MUC17: variants seen among roughly 807,000 people sequenced by gnomAD.
The protein encoded by MUC17 is mucin-17.
MUC17 carries 190 observed loss-of-function variants against 170.3 expected under a neutral mutation model. That is an observed-to-expected ratio of 1.12 (90% CI 0.99 to 1.26). MUC17 has a LOEUF of 1.26. MUC17 is among the 50% of genes most tolerant of loss of function. The pLI is 0.00. For synonymous variants in MUC17, 2,325 were observed against 2,002.5 expected (o/e 1.16, Z -4.30); for missense variants, 6,415 against 5,530.0 (o/e 1.16, Z -5.08).
rs368840848 is a variant in MUC17, at chr7:101,032,170, C to G, written c.754C>G (p.Gln252Glu). 1.9e-6 allele frequency: 3 copies of G among 1,613,734 alleles called. No homozygotes were observed. The highest frequency in any genetic ancestry group is 4.5e-5 in the East Asian group (2 of 44,830). ...CAGCACACCTGTGACCATTTCTGCTCAAGCCAGTTCATCTCCTACAACTGC... is the reference window on the plus strand; with the variant it reads ...CAGCACACCTGTGACCATTTCTGCTGAAGCCAGTTCATCTCCTACAACTGC... ...EISTPVTISA[Q>E]ASSSPTTAEG... is the part of the protein sequence containing the mutation. The change falls in exon 3 of 13, where the codon CAA becomes GAA. Residue 252 changes from glutamine to glutamate, a missense_variant. Transcript: ENST00000306151.
chr7:101,038,362 G>A lies in MUC17; in HGVS notation c.6946G>A (p.Ala2316Thr), dbSNP rs757491932. Reference protein sequence around the residue: ...SNTPFTTSTEASSPPPTAEGT... With the variant: ...SNTPFTTSTETSSPPPTAEGT... Reference sequence around the variant, plus strand: ...CACTCCTTTCACTACTTCTACTGAAGCCAGTTCACCTCCTCCCACTGCTGA... The same window carrying A: ...CACTCCTTTCACTACTTCTACTGAAACCAGTTCACCTCCTCCCACTGCTGA... The change falls in exon 3 of 13, where the codon GCC becomes ACC. Residue 2316 changes from alanine to threonine, a missense_variant. Coordinates refer to ENST00000306151, the MANE Select transcript of MUC17 (RefSeq NM_001040105.2). 5 of 1,613,546 alleles carry A rather than the reference G, an allele frequency of 3.1e-6. No individual in the cohort carries two copies. Among genetic ancestry groups the A allele is most frequent in the South Asian group, 1.1e-5 (1 of 91,060 alleles).
Position 101,035,836 on chromosome 7 carries a change from A to G in MUC17, c.4420A>G (p.Thr1474Ala), listed in dbSNP as rs148190043. ...GCCGGTGGCCAATTCTGAGGCTAGC[A>G]CCCTTTCAACAACTCCTGTTGACTC... is the stretch of plus-strand genomic sequence containing the variant. ...NTPVANSEAS[T>A]LSTTPVDSNS... The change falls in exon 3 of 13, where the codon ACC becomes GCC. Residue 1474 changes from threonine (T) to alanine (A), a missense_variant. Physicochemically the swap from Thr to Ala is moderately conservative, Grantham distance 58 (BLOSUM62 0). Transcript: ENST00000306151. The G allele has an allele frequency of 6.1e-5, 98 of 1,599,852 alleles. No individual in the cohort carries two copies. The African/African-American group carries it at 1.2e-3, about 20-fold the overall frequency.
At chr7:101,055,065 A>T (rs1795022833) in intron 11 of MUC17, among the ~76,000 whole-genome samples, 1 of 151,970 alleles carries the variant, frequency 6.6e-6, no homozygotes, top group African/African-American at 2.4e-5. Context: ...CTGAAATCGC[A>T]CCACTACACT....
chr7:101,033,259 GA>G lies in MUC17; in HGVS notation c.1845del (p.Gly616ValfsTer16). The G allele has an allele frequency of 1.2e-6, 2 of 1,614,056 alleles. No individual in the cohort carries two copies. Among genetic ancestry groups the G allele is most frequent in the African/African-American group, 2.7e-5 (2 of 74,984 alleles). ...SEASSSSTTAEGTSMPTSTYS... is the reference protein window; with the variant it reads ...SEASSSSTTAXGTSMPTSTYS... ...AGCTAGTTCATCTTCTACAACTGCT[GA>G]AGGTACCAGCATGCCAACCTCAACT... On this transcript the variant is annotated frameshift_variant, in exon 3 of 13. Transcript: ENST00000306151. LOFTEE classifies it high-confidence loss of function.
At chr7:101,023,601 T>G (rs752468583) in intron 1 of MUC17, among the ~76,000 whole-genome samples, 11 of 152,124 alleles carry the variant, frequency 7.2e-5, no homozygotes, top group Non-Finnish European at 1.5e-4. Context: ...GACGGGGGTT[T>G]CGCCATGTTG....
chr7:101,051,878 T>C lies in MUC17; in HGVS notation c.13019T>C (p.Ile4340Thr). 6.2e-7 allele frequency: 1 copy of C among 1,614,184 alleles called. No individual in the cohort carries two copies. Among genetic ancestry groups the C allele is most frequent in the Non-Finnish European group, 8.5e-7 (1 of 1,180,018 alleles). The change falls in exon 9 of 13, where the codon ATC becomes ACC. Residue 4340 changes from isoleucine (I) to threonine (T), a missense_variant. Transcript: ENST00000306151. ...TACCGGGACCAGAAGCCATACTGCA[T>C]CAGCCCCTGTGAGCCTGGCTTCAGT... is the stretch of plus-strand genomic sequence containing the variant. ...VEYRDQKPYCISPCEPGFSVS... is the reference protein window; with the variant it reads ...VEYRDQKPYCTSPCEPGFSVS...
In MUC17 at chr7:101,039,018, C is replaced by G; in HGVS notation, c.7602C>G (p.Thr2534=). 1.2e-6 allele frequency: 2 copies of G among 1,613,474 alleles called. No individual in the cohort carries two copies. Among genetic ancestry groups the G allele is most frequent in the South Asian group, 2.2e-5 (2 of 91,040 alleles). ...CAGTGGCCAGTCCTGAGGCTAGCAC[C>G]CTTTCAACAACTCCTGTTGACTCCA... ...TTPVASPEAS[T]LSTTPVDSNS... Residue 2534 remains threonine (T), a synonymous_variant, in exon 3 of 13, where the codon ACC becomes ACG. Coordinates refer to ENST00000306151, the MANE Select transcript of MUC17 (RefSeq NM_001040105.2).
At chr7:101,051,712 G>A (rs1169979909) in intron 8 of MUC17, 31 bp downstream of exon 8, 1 of 1,608,508 alleles carries the variant, frequency 6.2e-7, no homozygotes, top group African/African-American at 1.3e-5. Flanking sequence ...TTTGGGGGAA[G>A]GCTGGAGAGG....
At chr7:101,052,124 G>A (rs1049744421) in intron 9 of MUC17, among the ~76,000 whole-genome samples, 162 bp downstream of exon 9, 1 of 152,174 alleles carries the variant, frequency 6.6e-6, no homozygotes, top group African/African-American at 2.4e-5. Context: ...TGGGGATAAG[G>A]GAAAAACATG....
rs1448488254 is a variant in MUC17 at position 101,032,824 on chromosome 7, A to G, written c.1408A>G (p.Ser470Gly). 2 of 1,614,044 alleles carry G rather than the reference A, an allele frequency of 1.2e-6. No individual in the cohort carries two copies. Among genetic ancestry groups the G allele is most frequent in the Admixed American group, 3.3e-5 (2 of 60,014 alleles). ...STTPVASSEA[S>G]NLSTTPVDSK... ...CACTCCAGTGGCCAGTTCTGAGGCT[A>G]GCAACCTTTCAACAACTCCTGTTGA... Residue 470 changes from serine to glycine, a missense_variant, in exon 3 of 13, where the codon AGC (serine) becomes GGC (glycine). Physicochemically the swap from Ser to Gly is moderately conservative, Grantham distance 56. Coordinates refer to ENST00000306151, the MANE Select transcript of MUC17 (RefSeq NM_001040105.2).
In MUC17 at chr7:101,038,532, T is replaced by A. The variant is rs929403424; in HGVS notation, c.7116T>A (p.Tyr2372Ter). 2 of 1,613,914 alleles carry A rather than the reference T, an allele frequency of 1.2e-6. No individual in the cohort carries two copies. The highest frequency in any genetic ancestry group is 2.7e-5 in the African/African-American group (2 of 74,920). ...ACACCAGCACACCTGTGACTACTTA[T>A]TCTCAAGCCGGTTCATCTCCTACAA... ...PADTSTPVTT[Y>*]SQAGSSPTTA... is the part of the protein sequence containing the mutation. The change falls in exon 3 of 13, where the codon TAT (tyrosine) becomes TAA (stop). Residue 2372 changes from tyrosine (Y) to a stop codon, truncating the protein, a stop_gained. Coordinates refer to ENST00000306151, the MANE Select transcript of MUC17 (RefSeq NM_001040105.2). LOFTEE classifies it high-confidence loss of function.
chr7:101,048,978 T>G lies in MUC17; in HGVS notation c.12663+6T>G, dbSNP rs1411492211. On this transcript the variant is annotated splice_donor_region_variant and intron_variant, in intron 5 of 12. Coordinates refer to ENST00000306151, the MANE Select transcript of MUC17 (RefSeq NM_001040105.2). ...AACAGACATTCACGGAACAGGTAAG[T>G]CTGGGAGAGCAAGGCCCCATAGCTA... 6.2e-7 allele frequency: 1 copy of G among 1,613,992 alleles called. No homozygotes were observed. Among genetic ancestry groups the G allele is most frequent in the African/African-American group, 1.3e-5 (1 of 74,918 alleles).
chr7:101,034,995 T>A lies in MUC17; in HGVS notation c.3579T>A (p.Thr1193=). Residue 1193 remains threonine (T), a synonymous_variant, in exon 3 of 13, where the codon ACT becomes ACA. Coordinates refer to ENST00000306151, the MANE Select transcript of MUC17 (RefSeq NM_001040105.2). Reference sequence around the variant, plus strand: ...TGGACTCCAAAACTCAGGTGGCCACTTCTACTGAAGCCAGTTCACCTCCTC... The same window carrying A: ...TGGACTCCAAAACTCAGGTGGCCACATCTACTGAAGCCAGTTCACCTCCTC... The part of the protein sequence containing the change: ...TPVDSKTQVA[T]STEASSPPPT... 2 of 1,613,820 alleles carry A rather than the reference T, an allele frequency of 1.2e-6. No homozygotes were observed. Among genetic ancestry groups the A allele is most frequent in the Non-Finnish European group, 1.7e-6 (2 of 1,179,958 alleles).
rs752804909 is a variant in MUC17 at position 101,042,802 on chromosome 7, A to T, written c.11386A>T (p.Thr3796Ser). 3.7e-6 allele frequency: 6 copies of T among 1,614,094 alleles called. No homozygotes were observed. The highest frequency in any genetic ancestry group is 1.1e-5 in the South Asian group (1 of 91,070). Residue 3796 changes from threonine (T) to serine (S), a missense_variant, in exon 3 of 13, where the codon ACA becomes TCA. Coordinates refer to ENST00000306151, the MANE Select transcript of MUC17 (RefSeq NM_001040105.2). Reference protein sequence around the residue: ...TTASEGSSSPTTLEGTTTMPM... With the variant: ...TTASEGSSSPSTLEGTTTMPM... ...TGCCTCTGAAGGCAGTTCATCTCCT[A>T]CAACTCTTGAAGGCACCACCACCAT...
In MUC17 at chr7:101,031,963, G is replaced by A. The variant is rs761181335; in HGVS notation, c.547G>A (p.Asp183Asn). 8 of 1,614,094 alleles carry A rather than the reference G, an allele frequency of 5.0e-6. No homozygotes were observed. Among genetic ancestry groups the A allele is most frequent in the Non-Finnish European group, 5.9e-6 (7 of 1,180,046 alleles). The stretch of plus-strand genomic sequence containing the variant: ...CTACACATCTTTAACATATAAGGTT[G>A]ATATGAGCACACCTCTGACCACTTC... ...EAYTSLTYKV[D>N]MSTPLTTSTQ... Residue 183 changes from aspartate to asparagine, a missense_variant, in exon 3 of 13, where the codon GAT becomes AAT. Transcript: ENST00000306151.
At position 101,034,362 on chromosome 7, in the gene MUC17, G is replaced by A. The variant is rs777986047; in HGVS notation, c.2946G>A (p.Thr982=). Residue 982 remains threonine (T), a synonymous_variant, in exon 3 of 13, where the codon ACG becomes ACA. Coordinates refer to ENST00000306151, the MANE Select transcript of MUC17 (RefSeq NM_001040105.2). The part of the protein sequence containing the change: ...SIPTSTPSEG[T]TPLTSTPVSH... ...CAACCTCGACTCCTAGTGAAGGAAC[G>A]ACTCCATTAACAAGCACACCTGTCA... 2.1e-5 allele frequency: 34 copies of A among 1,600,510 alleles called. No individual in the cohort carries two copies. The highest frequency in any genetic ancestry group is 6.7e-5 in the South Asian group (6 of 89,540).
rs777460515 is a variant in MUC17 at position 101,036,703 on chromosome 7, A to G, written c.5287A>G (p.Ser1763Gly). 3.1e-6 allele frequency: 5 copies of G among 1,613,312 alleles called. No homozygotes were observed. Among genetic ancestry groups the G allele is most frequent in the Non-Finnish European group, 4.2e-6 (5 of 1,179,728 alleles). Residue 1763 changes from serine to glycine, a missense_variant, in exon 3 of 13, where the codon AGT becomes GGT. Transcript: ENST00000306151. ...SIPVSTTPVL[S>G]SEASTLSATP... ...ACCTGTCAGCACCACGCCGGTACTC[A>G]GTTCTGAGGCTAGCACCCTTTCAGC...
rs747229251 is a variant in MUC17 at position 101,037,133 on chromosome 7, C to T, written c.5717C>T (p.Ser1906Leu). The change falls in exon 3 of 13, where the codon TCA becomes TTA. Residue 1906 changes from serine (S) to leucine (L), a missense_variant. Transcript: ENST00000306151. ...GTGACCACTTATGCTCAAGTCAGTT[C>T]ATCTCCTACAACTGCTGACGGTAGC... Reference protein sequence around the residue: ...TPVTTYAQVSSSPTTADGSSM... With the variant: ...TPVTTYAQVSLSPTTADGSSM... 6.2e-7 allele frequency: 1 copy of T among 1,612,232 alleles called. No individual in the cohort carries two copies. The highest frequency in any genetic ancestry group is 1.7e-5 in the Admixed American group (1 of 59,878).
chr7:101,021,306 C>T (rs1794076992), intron 1 of MUC17, among the ~76,000 whole-genome samples: 1 of 151,494 alleles, frequency 6.6e-6, no homozygotes, highest in South Asian at 2.1e-4. Flanking sequence ...CCGCCTCAGG[C>T]TCTTGAGTAG....
Sources: gnomAD v4.1 joint callset for allele counts (sites outside exome capture counted in the v4.1 genomes callset) on GRCh38, gnomAD v4.1.1 for gene constraint, MANE v1.5 for transcripts, NCBI Gene and HGNC (gene_info 2026-07-23, HGNC 2026-07-21) for gene names.